MROH1: variants seen among roughly 807,000 people sequenced by gnomAD.
MROH1 encodes maestro heat-like repeat-containing protein family member 1.
In MROH1, 117 loss-of-function variants were observed where a neutral mutation model predicts 116.5. The ratio of observed to expected loss-of-function variants is 1.00; its 90% CI spans 0.86 to 1.17. The LOEUF (loss-of-function observed/expected upper bound fraction) is 1.17. Ranked by LOEUF, MROH1 falls within the 50% of genes most tolerant of loss-of-function variation. The pLI, the probability that MROH1 is intolerant of heterozygous loss-of-function variation, is 0.00. For synonymous variants in MROH1, 921 were observed against 583.9 expected (o/e 1.58, Z -8.32); for missense variants, 1,873 against 1,338.5 (o/e 1.40, Z -6.23).
At chr8:144,259,439 A>T in intron 37 of MROH1, 85 bp downstream of exon 37, 18 of 708,196 alleles carry the variant, frequency 2.5e-5, no homozygotes, top group Middle Eastern at 3.7e-4. Context: ...CTTACCCCTA[A>T]AAGGCCCCCT....
At chr8:144,173,680 C>T (rs1241755348) in intron 4 of MROH1, among the ~76,000 whole-genome samples, 1 of 152,168 alleles carries the variant, frequency 6.6e-6, no homozygotes, top group South Asian at 2.1e-4. Flanking sequence ...ACCTCGGCCT[C>T]CCAAAGTGCT....
intron 35 of MROH1, among the ~76,000 whole-genome samples, chr8:144,258,195 T>C (rs1489072765): frequency 3.3e-5 from 5 of 152,180 alleles, no homozygotes; most frequent in Non-Finnish European, 7.4e-5. Flanking sequence ...GGTGGAGGTC[T>C]GGGGAGTCAG....
At chr8:144,253,091 T>G (rs1441312310) in intron 33 of MROH1, among the ~76,000 whole-genome samples, 1 of 146,992 alleles carries the variant, frequency 6.8e-6, no homozygotes, top group Non-Finnish European at 1.5e-5. Flanking sequence ...GAGGTGGAGG[T>G]TGCAGTGAGC....
At position 144,174,976 on chromosome 8, in the gene MROH1, C is replaced by T. The variant is rs373858289; in HGVS notation, c.169-4479C>T. 1.5e-5 allele frequency: 15 copies of T among 985,320 alleles called. No individual in the cohort carries two copies. The East Asian group carries it at 5.7e-4, about 37-fold the overall frequency. 61.0% of individuals were successfully genotyped at this position (985,320 alleles called of 1,614,324 possible). A position where few individuals can be genotyped will look rare whatever the true frequency, so the allele number is the denominator to read the frequency against. On this transcript the variant is annotated intron_variant, in intron 4 of 43. Transcript: ENST00000326134. ...ATCTGGAGAACTCAGTCCCAGGACT[C>T]ACTTCTCCCTATTGTTTTCCTCTGG...
intron 14 of MROH1, among the ~76,000 whole-genome samples, chr8:144,233,680 A>T (rs1261212339): frequency 6.6e-6 from 1 of 151,878 alleles, no homozygotes; most frequent in Non-Finnish European, 1.5e-5. Flanking sequence ...CCAGAATTTC[A>T]CTCCTTCAGG....
chr8:144,192,574 C>G, intron 10 of MROH1, 173 bp downstream of exon 10: 1 of 711,332 alleles, frequency 1.4e-6, no homozygotes, highest in Non-Finnish European at 2.5e-6. Context: ...TGGCGATGCT[C>G]TTGCCCTGCC....
chr8:144,242,853 C>T (rs1162984632), intron 24 of MROH1, among the ~76,000 whole-genome samples: 6 of 152,320 alleles, frequency 3.9e-5, no homozygotes, highest in Middle Eastern at 3.4e-3. Flanking sequence ...TCCGAGGGGC[C>T]GGGTCGTGGG....
chr8:144,179,419 T>A, intron 4 of MROH1, 36 bp from the exon 5 acceptor site: 1 of 1,606,724 alleles, frequency 6.2e-7, no homozygotes, highest in Non-Finnish European at 8.5e-7. Flanking sequence ...GGTGTGGGGC[T>A]CACCTGGGAC....
intron 12 of MROH1, among the ~76,000 whole-genome samples, chr8:144,212,811 G>C (rs1420985013): frequency 6.6e-6 from 1 of 151,874 alleles, no homozygotes; most frequent in Non-Finnish European, 1.5e-5. Flanking sequence ...GACTGATCTT[G>C]AGCTCCTGAT....
intron 12 of MROH1, chr8:144,213,131 G>T: frequency 1.3e-6 from 1 of 768,694 alleles, no homozygotes. Context: ...AGTCACCACG[G>T]CTGTTACATC....
Position 144,180,657 on chromosome 8 carries a change from CT to C in MROH1, c.562+135del, listed in dbSNP as rs1042573660. 3.2e-5 allele frequency: 25 copies of C among 779,054 alleles called. No individual in the cohort carries two copies. The highest frequency in any genetic ancestry group is 3.1e-4 in the African/African-American group (18 of 57,444). 48.3% of individuals were successfully genotyped at this position (779,054 alleles called of 1,614,324 possible). A position where few individuals can be genotyped will look rare whatever the true frequency, so the allele number is the denominator to read the frequency against. ...GGGGGCTGTTGGAGGGAGGGGCCCC[CT>C]GGCTGAGGCTGCTGGCTGGTTGGGG... On this transcript the variant is annotated intron_variant, in intron 7 of 43. Coordinates refer to ENST00000326134, the MANE Select transcript of MROH1 (RefSeq NM_032450.3). The surrounding 1 kb of genome is among the most constrained non-coding windows in gnomAD (Gnocchi z 7.4).
intron 12 of MROH1, among the ~76,000 whole-genome samples, chr8:144,205,626 C>G (rs1036084605): frequency 1.3e-5 from 2 of 151,974 alleles, no homozygotes; most frequent in Non-Finnish European, 2.9e-5. Context: ...GTTGATTTCC[C>G]CCCCAGGTCC....
chr8:144,260,398 G>A, intron 39 of MROH1, 24 bp downstream of exon 39: 1 of 706,558 alleles, frequency 1.4e-6, no homozygotes, highest in South Asian at 1.5e-5. Context: ...GGCAGGGGGA[G>A]GGAAGAGGGC....
At position 144,182,385 on chromosome 8, in the gene MROH1, A is replaced by G. The variant is rs1196354947; in HGVS notation, c.562+1862A>G. 1.3e-5 allele frequency among the ~76,000 whole-genome samples: 2 copies of G among 152,232 alleles called. No individual in the cohort carries two copies. The highest frequency in any genetic ancestry group is 2.9e-5 in the Non-Finnish European group (2 of 68,036). ...GGCCAAGGAACCCCTCCAGTAGGAAAGGTGGCAACAAAAGAAACAGACACT... is the reference window on the plus strand; with the variant it reads ...GGCCAAGGAACCCCTCCAGTAGGAAGGGTGGCAACAAAAGAAACAGACACT... On this transcript the variant is annotated intron_variant, in intron 7 of 43. Transcript: ENST00000326134. This position sits in a 1 kb window ranked among gnomAD's most constrained non-coding sequence, Gnocchi z 4.1.
chr8:144,148,399 G>A (rs1815928453), intron 1 of MROH1, among the ~76,000 whole-genome samples: 1 of 151,956 alleles, frequency 6.6e-6, no homozygotes. Context: ...GCCCCTCCGC[G>A]GGAGCCCGGT....
rs1197803491 is a variant in MROH1 at position 144,247,657 on chromosome 8, A to G, written c.3098A>G (p.His1033Arg). 2 of 767,138 alleles carry G rather than the reference A, an allele frequency of 2.6e-6. No individual in the cohort carries two copies. Among genetic ancestry groups the G allele is most frequent in the South Asian group, 1.4e-5 (1 of 73,738 alleles). 47.5% of individuals were successfully genotyped at this position (767,138 alleles called of 1,614,324 possible). A position where few individuals can be genotyped will look rare whatever the true frequency, so the allele number is the denominator to read the frequency against. ...CACCCTGACCCCGCCATTCTCTTCCACACCTGCCACAGTGTAGGCCAGGTA... is the reference window on the plus strand; with the variant it reads ...CACCCTGACCCCGCCATTCTCTTCCGCACCTGCCACAGTGTAGGCCAGGTA... ...LVHPDPAILF[H>R]TCHSVGQIIA... Residue 1033 changes from histidine (H) to arginine (R), a missense_variant, in exon 31 of 44, where the codon CAC (histidine) becomes CGC (arginine). Coordinates refer to ENST00000326134, the MANE Select transcript of MROH1 (RefSeq NM_032450.3).
chr8:144,179,158 G>T (rs990421182), intron 4 of MROH1, among the ~76,000 whole-genome samples: 1 of 152,010 alleles, frequency 6.6e-6, no homozygotes, highest in Non-Finnish European at 1.5e-5. Context: ...TCCTGGGAGT[G>T]TCATGTGACT....
At chr8:144,249,104 G>T (rs1029511118) in intron 32 of MROH1, 75 bp downstream of exon 32, 60 of 702,932 alleles carry the variant, frequency 8.5e-5, no homozygotes, top group South Asian at 7.7e-4. Context: ...CAGGGCAGGA[G>T]TGGGGTAGTG....
At chr8:144,185,215 C>T (rs1826661414) in intron 7 of MROH1, among the ~76,000 whole-genome samples, 1 of 152,164 alleles carries the variant, frequency 6.6e-6, no homozygotes, top group African/African-American at 2.4e-5. Context: ...CCCTCCCTGG[C>T]CTCTGTGGTT....
Sources: allele counts gnomAD v4.1 joint callset (sites outside exome capture counted in the v4.1 genomes callset), GRCh38; gene constraint gnomAD v4.1.1; non-coding constraint Gnocchi (gnomAD v3.1); transcripts MANE v1.5; gene names NCBI Gene and HGNC (gene_info 2026-07-23, HGNC 2026-07-21).